The following THOC1 variants were observed in gnomAD, a reference collection of about 807,000 sequenced individuals.
The protein encoded by THOC1 is THO complex 1.
THOC1 carries 29 observed loss-of-function variants against 97.3 expected under a neutral mutation model. That is an observed-to-expected ratio of 0.30 (90% CI 0.22 to 0.41). The LOEUF (loss-of-function observed/expected upper bound fraction) is 0.41, where lower values mean the gene tolerates loss of function less well. Ranked by LOEUF, THOC1 falls within the 10% of genes least tolerant of loss-of-function variation. The pLI is 1.00. For synonymous variants in THOC1, 255 were observed against 257.0 expected, an observed-to-expected ratio of 0.99 and a Z score of 0.07; for missense variants, 529 against 761.9, an observed-to-expected ratio of 0.69 and a Z score of 3.60.
At chr18:256,412 T>C (rs1373641310) in intron 7 of THOC1, among the ~76,000 whole-genome samples, 1 of 152,212 alleles carries the variant, frequency 6.6e-6, no homozygotes, top group Admixed American at 6.5e-5. Flanking sequence ...CAGATCTACG[T>C]AGTAGAAATG....
chr18:267,632 C>A (rs1336764973), intron 1 of THOC1, among the ~76,000 whole-genome samples: 1 of 152,162 alleles, frequency 6.6e-6, no homozygotes, highest in Non-Finnish European at 1.5e-5. Flanking sequence ...TCCCCTTCCC[C>A]TTCTCGAGAC....
chr18:223,096 T>C (rs1156477434), intron 17 of THOC1, among the ~76,000 whole-genome samples: 2 of 152,156 alleles, frequency 1.3e-5, no homozygotes, highest in Non-Finnish European at 2.9e-5. Context: ...CTTGCCCATT[T>C]TGCAAGTTCA....
intron 17 of THOC1, among the ~76,000 whole-genome samples, chr18:222,606 G>A (rs1279690530): frequency 1.3e-5 from 2 of 152,152 alleles, no homozygotes; most frequent in Non-Finnish European, 2.9e-5. Context: ...TACAGAAGGA[G>A]CAAGAGTTGG....
Position 226,634 on chromosome 18 carries a change from C to T in THOC1, c.1019+167G>A, listed in dbSNP as rs138744147. Among the ~76,000 whole-genome samples, 3 of 152,252 alleles carry T rather than the reference C, an allele frequency of 2.0e-5. No individual in the cohort carries two copies. The East Asian group carries it at 5.8e-4, about 29-fold the overall frequency. ...TGACAGATATATTTAACATCTTTTC[C>T]TTAAATATCCTAATATCGAAAAGCC... On this transcript the variant is annotated intron_variant, in intron 12 of 20. Transcript: ENST00000261600.
At chr18:231,700 C>T (rs1911490988) in intron 11 of THOC1, among the ~76,000 whole-genome samples, 1 of 152,174 alleles carries the variant, frequency 6.6e-6, no homozygotes, top group Non-Finnish European at 1.5e-5. Flanking sequence ...CCCTCTATAA[C>T]CCTCCCCACT....
intron 8 of THOC1, 139 bp from the exon 9 acceptor site, chr18:252,751 T>G: frequency 2.9e-6 from 2 of 679,158 alleles, no homozygotes; most frequent in Non-Finnish European, 5.1e-6. Flanking sequence ...TCTAGACCTA[T>G]AGTTAATCTG....
At chr18:232,413 T>C (rs553657916) in intron 11 of THOC1, among the ~76,000 whole-genome samples, 2 of 152,126 alleles carry the variant, frequency 1.3e-5, no homozygotes, top group Admixed American at 6.5e-5. Flanking sequence ...TCTACAAAAA[T>C]AGATGATAGG....
At chr18:233,565 C>G (rs1231222682) in intron 11 of THOC1, among the ~76,000 whole-genome samples, 1 of 152,216 alleles carries the variant, frequency 6.6e-6, no homozygotes, top group Non-Finnish European at 1.5e-5. Flanking sequence ...GCCTGGGCAA[C>G]AAGAGTGAAA....
At chr18:220,935 T>G (rs995477577) in intron 17 of THOC1, among the ~76,000 whole-genome samples, 1 of 152,192 alleles carries the variant, frequency 6.6e-6, no homozygotes, top group African/African-American at 2.4e-5. Context: ...AGACTCTTAT[T>G]AGCTTGGTTT....
chr18:252,689 C>A, intron 8 of THOC1, 77 bp from the exon 9 acceptor site: 1 of 1,232,198 alleles, frequency 8.1e-7, no homozygotes, highest in South Asian at 1.3e-5. Flanking sequence ...AATAAGTGGT[C>A]AGTTACACAT....
intron 12 of THOC1, 74 bp downstream of exon 12, chr18:226,727 A>C: frequency 8.9e-7 from 1 of 1,121,454 alleles, no homozygotes. Flanking sequence ...ACACATACAT[A>C]AGAAAAATCG....
chr18:236,530 T>C (rs1275222568), intron 11 of THOC1, among the ~76,000 whole-genome samples: 1 of 151,632 alleles, frequency 6.6e-6, no homozygotes, highest in African/African-American at 2.4e-5. Context: ...CTAATTTTTT[T>C]TTTTTTGTAT....
chr18:257,025 G>C (rs184353274), intron 7 of THOC1, among the ~76,000 whole-genome samples: 92 of 152,296 alleles, frequency 6.0e-4, no homozygotes, highest in Admixed American at 1.4e-3. Flanking sequence ...CAGTATTCTA[G>C]AAGTACGGTA....
chr18:266,966 AC>A (rs770684432), intron 1 of THOC1, among the ~76,000 whole-genome samples: 2 of 151,172 alleles, frequency 1.3e-5, no homozygotes, highest in Admixed American at 6.6e-5. Context: ...TTTAAAAAAA[AC>A]CTCACACTGT....
Position 237,517 on chromosome 18 carries a change from T to G in THOC1, c.918+8807A>C, listed in dbSNP as rs151000440. On this transcript the variant is annotated intron_variant, in intron 11 of 20. Transcript: ENST00000261600. ...GCACCACTAAGTGCTTACATAATCC[T>G]GGACGAGCTGTTAAAATCTGCCCAG... Among the ~76,000 whole-genome samples the G allele has an allele frequency of 3.4e-4, 51 of 152,182 alleles. No individual in the cohort carries two copies. The East Asian group carries it at 6.8e-3, about 20-fold the overall frequency.
intron 12 of THOC1, chr18:226,164 T>C (rs895835796): frequency 6.6e-6 from 1 of 152,292 alleles, no homozygotes; most frequent in East Asian, 1.9e-4. Context: ...CTGAAAGAGC[T>C]GCACTGCAGC....
At chr18:251,851 G>A (rs972295094) in intron 9 of THOC1, among the ~76,000 whole-genome samples, 5 of 152,138 alleles carry the variant, frequency 3.3e-5, no homozygotes, top group African/African-American at 7.2e-5. Context: ...GGAATAACTA[G>A]GCAAATAATT....
At position 214,910 on chromosome 18, in the gene THOC1, G is replaced by A. The variant is rs752932820; in HGVS notation, c.1690C>T (p.Arg564Trp). 44 of 1,613,528 alleles carry A rather than the reference G, an allele frequency of 2.7e-5. No homozygotes were observed. The Admixed American group carries it at 3.0e-4, about 11-fold the overall frequency. ...TCTCCTGTTACAGGTTTGTCTCGCCGAACATCAGGACCTAGAAAATGAAGA... is the reference window on the plus strand; with the variant it reads ...TCTCCTGTTACAGGTTTGTCTCGCCAAACATCAGGACCTAGAAAATGAAGA... ...LLKENESPDV[R>W]RDKPVTGEQI... Residue 564 changes from arginine (R) to tryptophan (W), a missense_variant, in exon 21 of 21, where the codon CGG becomes TGG. This residue lies in a region of THOC1 where 98 missense variants were observed against 111.9 expected (regional missense o/e 0.88). Coordinates refer to ENST00000261600, the MANE Select transcript of THOC1 (RefSeq NM_005131.3).
At chr18:240,616 A>G (rs547590) in intron 11 of THOC1, among the ~76,000 whole-genome samples, 1 of 152,016 alleles carries the variant, frequency 6.6e-6, no homozygotes, top group South Asian at 2.1e-4. Flanking sequence ...GACTGACATG[A>G]CTGTCAGCAA....
Sources: gnomAD v4.1 joint callset for allele counts (sites outside exome capture counted in the v4.1 genomes callset) on GRCh38, gnomAD v4.1.1 for gene constraint, gnomAD v4.1.1 regional missense constraint, MANE v1.5 for transcripts, NCBI Gene and HGNC (gene_info 2026-07-23, HGNC 2026-07-21) for gene names.